The following IL5RA variants were observed in gnomAD, a reference collection of about 807,000 sequenced individuals.
IL5RA encodes the protein interleukin-5 receptor subunit alpha.
IL5RA carries 49 observed loss-of-function variants against 50.0 expected under a neutral mutation model. The observed-to-expected ratio is 0.98, with a 90% CI of 0.78 to 1.24. IL5RA has a LOEUF of 1.24. Among genes scored for constraint, IL5RA ranks in the 50% most tolerant of loss-of-function variants. The pLI is 0.00. For synonymous variants in IL5RA, 202 were observed against 174.0 expected, an observed-to-expected ratio of 1.16 and a Z score of -1.26; for missense variants, 600 against 500.4, an observed-to-expected ratio of 1.20 and a Z score of -1.90.
At position 3,074,070 on chromosome 3, in the gene IL5RA, C is replaced by G. The variant is rs187126111; in HGVS notation, c.1176+712G>C. ...GGATGATTTACTCCAACAAATGATG[C>G]TGGAACAATTGGAGAGCCATAACTA... is the stretch of plus-strand genomic sequence containing the variant. On this transcript the variant is annotated intron_variant, in intron 11 of 11. Coordinates refer to ENST00000446632, the MANE Select transcript of IL5RA (RefSeq NM_175726.4). Among the ~76,000 whole-genome samples the G allele has an allele frequency of 4.6e-5, 7 of 152,340 alleles. No individual in the cohort carries two copies. The East Asian group carries it at 7.7e-4, about 17-fold the overall frequency.
At chr3:3,090,646 A>G (rs1359277367) in intron 9 of IL5RA, among the ~76,000 whole-genome samples, 2 of 144,544 alleles carry the variant, frequency 1.4e-5, no homozygotes, top group Non-Finnish European at 3.0e-5. Flanking sequence ...GGCTCACTGC[A>G]AGCTCCGCCT....
chr3:3,081,766 GA>G (rs1330202979), intron 9 of IL5RA, among the ~76,000 whole-genome samples: 2 of 152,096 alleles, frequency 1.3e-5, no homozygotes, highest in Non-Finnish European at 2.9e-5. Flanking sequence ...TTCATTAAAT[GA>G]AAAAAAGTTA....
chr3:3,088,562 C>T (rs17879985), intron 9 of IL5RA, among the ~76,000 whole-genome samples: 217 of 152,284 alleles, frequency 1.4e-3, no homozygotes, highest in Non-Finnish European at 2.5e-3. Flanking sequence ...TTGGCAGAGC[C>T]GTAGCTAAAA....
chr3:3,084,993 A>G (rs1459668693), intron 9 of IL5RA, among the ~76,000 whole-genome samples: 1 of 152,220 alleles, frequency 6.6e-6, no homozygotes, highest in African/African-American at 2.4e-5. Flanking sequence ...GCACTGTGGG[A>G]ACTCCCTGCT....
At chr3:3,109,793 T>C (rs898514788) in intron 1 of IL5RA, 152 bp downstream of exon 1, 1 of 152,240 alleles carries the variant, frequency 6.6e-6, no homozygotes, top group Non-Finnish European at 1.5e-5. Flanking sequence ...TTAGAAGTCA[T>C]TGTTTCTTGC....
chr3:3,068,021 G>A lies in IL5RA; in HGVS notation c.*2204C>T, dbSNP rs528002746. ...CCAAAAGGACAGTTTTCTGGGGACAGGACTTTTCTGTCACATCTTCCTTCA... is the reference window on the plus strand; with the variant it reads ...CCAAAAGGACAGTTTTCTGGGGACAAGACTTTTCTGTCACATCTTCCTTCA... On this transcript the variant is annotated 3_prime_UTR_variant, in exon 12 of 12. Transcript: ENST00000446632. 6.6e-6 allele frequency: 1 copy of A among 152,208 alleles called. No individual in the cohort carries two copies. Among genetic ancestry groups the A allele is most frequent in the Non-Finnish European group, 1.5e-5 (1 of 68,060 alleles). The allele number at this position is 152,208 out of a possible 1,614,324, so 9.4% of individuals were successfully genotyped here. A position where few individuals can be genotyped will look rare whatever the true frequency, so the allele number is the denominator to read the frequency against.
intron 5 of IL5RA, among the ~76,000 whole-genome samples, chr3:3,100,203 T>A (rs1015522181): frequency 6.6e-6 from 1 of 151,764 alleles, no homozygotes; most frequent in Non-Finnish European, 1.5e-5. Flanking sequence ...TAGAAGGGGG[T>A]CTTTTGATCG....
In IL5RA at chr3:3,070,162, C is replaced by G. The variant is rs1241321574; in HGVS notation, c.*63G>C. On this transcript the variant is annotated 3_prime_UTR_variant, in exon 12 of 12. Transcript: ENST00000446632. ...CACCTCTTAGCCAAGAGCCAGCATCCCTGTTCTTTTCACTGAGGCACTGAG... is the reference window on the plus strand; with the variant it reads ...CACCTCTTAGCCAAGAGCCAGCATCGCTGTTCTTTTCACTGAGGCACTGAG... 5.9e-5 allele frequency: 63 copies of G among 1,060,626 alleles called. No homozygotes were observed. The highest frequency in any genetic ancestry group is 8.8e-5 in the Non-Finnish European group (61 of 691,832). The allele number at this position is 1,060,626 out of a possible 1,614,324, so 65.7% of individuals were successfully genotyped here. A position where few individuals can be genotyped will look rare whatever the true frequency, so the allele number is the denominator to read the frequency against.
At position 3,075,269 on chromosome 3, in the gene IL5RA, C is replaced by T. The variant is rs555760186; in HGVS notation, c.1092-403G>A. Among the ~76,000 whole-genome samples the T allele has an allele frequency of 2.4e-5, 3 of 127,320 alleles. No homozygotes were observed. In the South Asian group the frequency reaches 7.4e-4, roughly 31 times the overall value. 83.5% of individuals were successfully genotyped at this position (127,320 alleles called of 152,430 possible). ...CCAGGCTGGAGTGCAGTGGCGCCAT[C>T]GTGGCTTATTGCAATCTCCACCTCT... On this transcript the variant is annotated intron_variant, in intron 10 of 11. Transcript: ENST00000446632.
intron 4 of IL5RA, among the ~76,000 whole-genome samples, 194 bp from the exon 5 acceptor site, chr3:3,102,024 T>C (rs967373220): frequency 9.2e-5 from 14 of 152,308 alleles, no homozygotes; most frequent in African/African-American, 3.4e-4. Flanking sequence ...CATGAACGCA[T>C]TATTCTTGTA....
intron 9 of IL5RA, among the ~76,000 whole-genome samples, chr3:3,085,748 C>G (rs2125964428): frequency 6.6e-6 from 1 of 152,264 alleles, no homozygotes; most frequent in East Asian, 1.9e-4. Flanking sequence ...ACCCTGATAC[C>G]CTACCTCAAC....
intron 7 of IL5RA, among the ~76,000 whole-genome samples, chr3:3,096,392 G>A (rs1703370321): frequency 6.6e-6 from 1 of 152,100 alleles, no homozygotes; most frequent in South Asian, 2.1e-4. Context: ...TTATGGTCCG[G>A]TGAGGTGAGG....
intron 9 of IL5RA, among the ~76,000 whole-genome samples, chr3:3,082,286 C>T (rs769973348): frequency 1.3e-4 from 20 of 152,144 alleles, no homozygotes; most frequent in African/African-American, 3.4e-4. Flanking sequence ...AAAAGTATTT[C>T]GAGGTAATTT....
At chr3:3,074,731 G>T in intron 11 of IL5RA, 51 bp downstream of exon 11, 1 of 1,060,106 alleles carries the variant, frequency 9.4e-7, no homozygotes, top group South Asian at 1.3e-5. Flanking sequence ...CAGCTCCCAG[G>T]GGACTCAACC....
chr3:3,095,192 C>T, intron 8 of IL5RA, 107 bp downstream of exon 8: 4 of 786,770 alleles, frequency 5.1e-6, no homozygotes, highest in Non-Finnish European at 2.0e-6. Context: ...TAACTTTGAC[C>T]TTGTTAGTAC....
chr3:3,071,551 CAGTGTGTGTGTG>C (rs772077090), intron 11 of IL5RA, among the ~76,000 whole-genome samples: 25 of 126,478 alleles, frequency 2.0e-4, no homozygotes, highest in African/African-American at 6.9e-4. Flanking sequence ...TCTTCCTTCA[CAGTGTGTGTGTG>C]TGTGTGTGTG....
intron 7 of IL5RA, among the ~76,000 whole-genome samples, chr3:3,096,289 AAAGAAG>A (rs5846242): frequency 1.1e-4 from 15 of 141,352 alleles, no homozygotes; most frequent in Non-Finnish European, 2.0e-4. Context: ...AAAAAAAAAA[AAAGAAG>A]AAGAAGAAGA....
chr3:3,070,165 G>T lies in IL5RA; in HGVS notation c.*60C>A, dbSNP rs1312008627. ...CTCTTAGCCAAGAGCCAGCATCCCT[G>T]TTCTTTTCACTGAGGCACTGAGGCA... is the stretch of plus-strand genomic sequence containing the variant. On this transcript the variant is annotated 3_prime_UTR_variant, in exon 12 of 12. Coordinates refer to ENST00000446632, the MANE Select transcript of IL5RA (RefSeq NM_175726.4). The T allele has an allele frequency of 1.8e-6, 2 of 1,107,150 alleles. No homozygotes were observed. The highest frequency in any genetic ancestry group is 1.9e-5 in the Admixed American group (1 of 51,726). 68.6% of individuals were successfully genotyped at this position (1,107,150 alleles called of 1,614,324 possible).
rs761886830 is a variant in IL5RA at position 3,092,224 on chromosome 3, C to T, written c.994G>A (p.Gly332Arg). The T allele has an allele frequency of 6.2e-7, 1 of 1,611,404 alleles. No individual in the cohort carries two copies. The highest frequency in any genetic ancestry group is 1.7e-5 in the Admixed American group (1 of 59,344). Residue 332 changes from glycine (G) to arginine (R), a missense_variant and splice_region_variant, in exon 9 of 12, where the codon GGA becomes AGA. By Grantham distance (125) the Gly-to-Arg change is moderately radical. Transcript: ENST00000446632. The surrounding 1 kb of genome is among the most constrained non-coding windows in gnomAD (Gnocchi z 4.2). ...WSEWSQPIYV[G>R]NDEHKPLREW... Reference sequence around the variant, plus strand: ...TGTAAAATAAACATAAGCTACTTACCCACATAAATAGGTTGGCTCCACTCA... The same window carrying T: ...TGTAAAATAAACATAAGCTACTTACTCACATAAATAGGTTGGCTCCACTCA...
Sources: gnomAD v4.1 joint callset for allele counts (sites outside exome capture counted in the v4.1 genomes callset) on GRCh38, gnomAD v4.1.1 for gene constraint, Gnocchi (gnomAD v3.1) non-coding constraint, MANE v1.5 for transcripts, NCBI Gene and HGNC (gene_info 2026-07-23, HGNC 2026-07-21) for gene names.